The following PXDNL variants were observed in gnomAD, a reference collection of about 807,000 sequenced individuals.
PXDNL encodes the protein peroxidasin like, also known as probable oxidoreductase PXDNL.
Under a neutral mutation model 150.8 loss-of-function variants are expected in PXDNL, and 145 were observed. The ratio of observed to expected loss-of-function variants is 0.96; its 90% confidence interval spans 0.84 to 1.10. The LOEUF is 1.10. Ranked by LOEUF, PXDNL falls within the 50% of genes least tolerant of loss-of-function variation. PXDNL has a pLI of 0.00. For synonymous variants in PXDNL, 757 were observed against 725.7 expected, an observed-to-expected ratio of 1.04 and a Z score of -0.69; for missense variants, 2,087 against 1,873.9, an observed-to-expected ratio of 1.11 and a Z score of -2.10.
At chr8:51,558,951 C>A (rs1188274803) in intron 3 of PXDNL, among the ~76,000 whole-genome samples, 1 of 151,948 alleles carries the variant, frequency 6.6e-6, no homozygotes, top group Non-Finnish European at 1.5e-5. Context: ...ATTCTTCCCC[C>A]CAATGAGTTC....
intron 1 of PXDNL, among the ~76,000 whole-genome samples, chr8:51,735,530 T>G (rs1299177017): frequency 1.5e-5 from 1 of 66,158 alleles, no homozygotes; most frequent in African/African-American, 2.0e-4. Context: ...AAAATTGTTT[T>G]TTTTTTTTTT....
intron 4 of PXDNL, among the ~76,000 whole-genome samples, chr8:51,501,756 A>G (rs1002537999): frequency 1.3e-5 from 2 of 152,176 alleles, no homozygotes; most frequent in Non-Finnish European, 2.9e-5. Context: ...CCACAAAATC[A>G]TTACCTGTGT....
chr8:51,369,664 A>AAC (rs5891409), intron 19 of PXDNL, among the ~76,000 whole-genome samples: 1 of 151,752 alleles, frequency 6.6e-6, no homozygotes, highest in East Asian at 1.9e-4. Context: ...AAAAAAAAAA[A>AAC]CACTGTATGT....
intron 10 of PXDNL, among the ~76,000 whole-genome samples, chr8:51,449,639 T>G (rs115378682): frequency 8.5e-4 from 129 of 152,314 alleles, no homozygotes; most frequent in African/African-American, 3.1e-3. Context: ...ATATTCAGAT[T>G]TTGTATTATT....
chr8:51,704,314 G>A (rs1440867350), intron 1 of PXDNL, among the ~76,000 whole-genome samples: 1 of 152,168 alleles, frequency 6.6e-6, no homozygotes, highest in East Asian at 1.9e-4. Flanking sequence ...GTGTGTAGTA[G>A]CAGTTCATTT....
In PXDNL at chr8:51,485,128, T is replaced by A. The variant is rs1224501300; in HGVS notation, c.453-1414A>T. 4.6e-5 allele frequency among the ~76,000 whole-genome samples: 7 copies of A among 152,344 alleles called. No individual in the cohort carries two copies. The East Asian group carries it at 1.3e-3, about 29-fold the overall frequency. The stretch of plus-strand genomic sequence containing the variant: ...TTTTCTTATCAGTGTTTTGGCTTTA[T>A]GTTTTTGGCTTTATTTTAACTGTAT... On this transcript the variant is annotated intron_variant, in intron 5 of 22. Transcript: ENST00000356297.
chr8:51,461,860 T>C (rs1317647278), intron 8 of PXDNL, among the ~76,000 whole-genome samples: 1 of 152,114 alleles, frequency 6.6e-6, no homozygotes, highest in Non-Finnish European at 1.5e-5. Context: ...TAGAGCACTG[T>C]AGCAAATAAG....
At chr8:51,761,263 G>A (rs1024401288) in intron 1 of PXDNL, among the ~76,000 whole-genome samples, 9 of 152,026 alleles carry the variant, frequency 5.9e-5, no homozygotes, top group Non-Finnish European at 1.0e-4. Flanking sequence ...AAAATCCCAT[G>A]GCATTTGCTG....
intron 1 of PXDNL, among the ~76,000 whole-genome samples, chr8:51,803,700 T>C (rs1190092454): frequency 1.3e-5 from 2 of 152,212 alleles, no homozygotes; most frequent in African/African-American, 2.4e-5. Context: ...ACACAACCAC[T>C]GGTGACCGTC....
At chr8:51,501,564 A>G (rs1180641775) in intron 4 of PXDNL, among the ~76,000 whole-genome samples, 1 of 151,756 alleles carries the variant, frequency 6.6e-6, no homozygotes, top group African/African-American at 2.4e-5. Flanking sequence ...TCACACTCAG[A>G]TACACATCTA....
chr8:51,538,897 T>A (rs557144992), intron 4 of PXDNL, among the ~76,000 whole-genome samples: 27 of 152,322 alleles, frequency 1.8e-4, no homozygotes, highest in African/African-American at 6.0e-4. Context: ...AATAATAATG[T>A]ATTTGTCTTT....
intron 4 of PXDNL, among the ~76,000 whole-genome samples, chr8:51,544,290 T>C (rs1046702789): frequency 6.6e-6 from 1 of 152,158 alleles, no homozygotes; most frequent in Non-Finnish European, 1.5e-5. Context: ...CTCCAGCAGA[T>C]GGTGCAGGTA....
At chr8:51,614,987 G>A (rs75334019) in intron 2 of PXDNL, among the ~76,000 whole-genome samples, 2,751 of 152,106 alleles carry the variant, frequency 0.018, 98 homozygotes, top group African/African-American at 0.063. Flanking sequence ...TATGTGCTTC[G>A]AATTCCATTT....
intron 4 of PXDNL, among the ~76,000 whole-genome samples, chr8:51,534,840 A>G (rs1161153206): frequency 9.8e-5 from 8 of 81,412 alleles, no homozygotes; most frequent in East Asian, 4.3e-4. Context: ...TCCGGGAGGG[A>G]GGTGGGGGGA....
intron 9 of PXDNL, 83 bp downstream of exon 9, chr8:51,457,415 G>A (rs1405323650): frequency 1.9e-6 from 2 of 1,060,822 alleles, no homozygotes; most frequent in African/African-American, 1.6e-5. Context: ...GTTTCACTTT[G>A]AAGTATTACA....
At chr8:51,536,714 G>A (rs1348452324) in intron 4 of PXDNL, among the ~76,000 whole-genome samples, 1 of 151,808 alleles carries the variant, frequency 6.6e-6, no homozygotes, top group Non-Finnish European at 1.5e-5. Context: ...AATTTTCAAA[G>A]GTTTATGCTT....
At chr8:51,538,486 C>T (rs1812136129) in intron 4 of PXDNL, among the ~76,000 whole-genome samples, 1 of 152,046 alleles carries the variant, frequency 6.6e-6, no homozygotes, top group African/African-American at 2.4e-5. Flanking sequence ...AATAAATCGG[C>T]CGGGTGCAGT....
intron 2 of PXDNL, among the ~76,000 whole-genome samples, chr8:51,640,917 A>G (rs1047150662): frequency 2.0e-5 from 3 of 152,154 alleles, no homozygotes; most frequent in African/African-American, 7.2e-5. Context: ...AGCCAAAAGA[A>G]CAAAGCTGGA....
At chr8:51,552,037 AAAG>A (rs1250249870) in intron 4 of PXDNL, among the ~76,000 whole-genome samples, 4 of 152,218 alleles carry the variant, frequency 2.6e-5, no homozygotes, top group Non-Finnish European at 4.4e-5. Context: ...ACAATGCTGA[AAAG>A]AAGGTATACA....
Sources: gnomAD v4.1 joint callset for allele counts (sites outside exome capture counted in the v4.1 genomes callset) on GRCh38, gnomAD v4.1.1 for gene constraint, MANE v1.5 for transcripts, NCBI Gene and HGNC (gene_info 2026-07-23, HGNC 2026-07-21) for gene names.